DLG2: variants seen among roughly 807,000 people sequenced by gnomAD.
DLG2 encodes the protein disks large homolog 2.
In DLG2, 45 loss-of-function variants were observed where a neutral mutation model predicts 132.5. The ratio of observed to expected loss-of-function variants is 0.34; its 90% CI spans 0.27 to 0.44. The LOEUF (loss-of-function observed/expected upper bound fraction) is 0.44. Among genes scored for constraint, DLG2 ranks in the 20% least tolerant of loss-of-function variants. DLG2 has a pLI of 1.00. For synonymous variants in DLG2, 424 were observed against 419.6 expected (o/e 1.01, Z -0.13); for missense variants, 1,045 against 1,196.9 (o/e 0.87, Z 1.87).
At chr11:84,600,675 G>T (rs1424786018) in intron 6 of DLG2, among the ~76,000 whole-genome samples, 2 of 152,144 alleles carry the variant, frequency 1.3e-5, no homozygotes, top group Non-Finnish European at 2.9e-5. Context: ...TATAACTGCA[G>T]TATTTAGTGT....
intron 8 of DLG2, among the ~76,000 whole-genome samples, chr11:84,237,171 G>A (rs913480584): frequency 9.9e-5 from 15 of 151,902 alleles, no homozygotes; most frequent in Admixed American, 2.6e-4. Context: ...CTCGTGATTC[G>A]CCTGCCTCGG....
chr11:83,499,895 A>ATATATCTATCTATCTATC (rs1296866569), intron 21 of DLG2, among the ~76,000 whole-genome samples: 4 of 114,520 alleles, frequency 3.5e-5, no homozygotes, highest in African/African-American at 1.4e-4. Flanking sequence ...ATATATATAT[A>ATATATCTATCTATCTATC]TATCAGTTCT....
At chr11:83,746,571 C>T (rs2092926998) in intron 18 of DLG2, among the ~76,000 whole-genome samples, 1 of 150,906 alleles carries the variant, frequency 6.6e-6, no homozygotes, top group South Asian at 2.1e-4. Flanking sequence ...ACATCAGGGC[C>T]TGTTGTGGGG....
At chr11:83,665,397 A>C (rs1338062267) in intron 18 of DLG2, among the ~76,000 whole-genome samples, 1 of 152,214 alleles carries the variant, frequency 6.6e-6, no homozygotes, top group Non-Finnish European at 1.5e-5. Flanking sequence ...GCTTTACGTT[A>C]TGCTATAAGA....
At chr11:84,737,005 A>G (rs1596939517) in intron 6 of DLG2, among the ~76,000 whole-genome samples, 1 of 152,002 alleles carries the variant, frequency 6.6e-6, no homozygotes, top group African/African-American at 2.4e-5. Context: ...GGTTTTTCAC[A>G]TAAGTTTCTT....
chr11:83,833,033 T>C (rs2055009772), intron 17 of DLG2, among the ~76,000 whole-genome samples: 1 of 152,218 alleles, frequency 6.6e-6, no homozygotes, highest in African/African-American at 2.4e-5. Context: ...TTCTCAACGT[T>C]CTGTTGGATG....
rs55987930 is a variant in DLG2, at chr11:83,962,911, G to C, written c.1314C>G (p.His438Gln). 6.2e-7 allele frequency: 1 copy of C among 1,613,058 alleles called. No homozygotes were observed. Among genetic ancestry groups the C allele is most frequent in the East Asian group, 2.2e-5 (1 of 44,860 alleles). ...TGGTGTAGTCGTCGTCAACAAGCAT[G>C]TGCTTTGGAATTGGTGAGTACCTTC... Reference protein sequence around the residue: ...SPGRYSPIPKHMLVDDDYTRP... With the variant: ...SPGRYSPIPKQMLVDDDYTRP... Residue 438 changes from histidine to glutamine, a missense_variant, in exon 14 of 28, where the codon CAC becomes CAG. His to Gln is a conservative substitution (Grantham distance 24). Transcript: ENST00000376104.
At chr11:84,245,881 G>A (rs1037198167) in intron 8 of DLG2, among the ~76,000 whole-genome samples, 2 of 152,080 alleles carry the variant, frequency 1.3e-5, no homozygotes, top group African/African-American at 4.8e-5. Flanking sequence ...CTAGTTTATT[G>A]TTTAGCAAAT....
In DLG2 at chr11:85,216,934, TCTACCCAC is replaced by T. The variant is rs529051867; in HGVS notation, c.187-62291_187-62284del. ...TGGTCTTGAACTCCTGACCTCATGA[TCTACCCAC>T]CTAGGCCTCCCAAAGTGCTGTGATT... On this transcript the variant is annotated intron_variant, in intron 4 of 27. Coordinates refer to ENST00000376104, the MANE Select transcript of DLG2 (RefSeq NM_001142699.3). Among the ~76,000 whole-genome samples the T allele has an allele frequency of 4.1e-4, 63 of 152,226 alleles. 1 individual carries two copies. Among genetic ancestry groups the T allele is most frequent in the African/African-American group, 1.4e-3 (57 of 41,548 alleles).
At chr11:85,360,111 C>T (rs931465412) in intron 3 of DLG2, among the ~76,000 whole-genome samples, 9 of 152,122 alleles carry the variant, frequency 5.9e-5, no homozygotes, top group Admixed American at 3.3e-4. Flanking sequence ...TTCAGTTGGA[C>T]GGAAAAGTCC....
intron 7 of DLG2, among the ~76,000 whole-genome samples, chr11:84,370,142 A>C (rs1181340053): frequency 1.3e-5 from 2 of 152,152 alleles, no homozygotes; most frequent in African/African-American, 4.8e-5. Flanking sequence ...GCACTTCCTC[A>C]TATGCATATT....
intron 7 of DLG2, among the ~76,000 whole-genome samples, chr11:84,349,435 A>C (rs962226762): frequency 6.6e-6 from 1 of 150,824 alleles, no homozygotes; most frequent in Non-Finnish European, 1.5e-5. Flanking sequence ...ATTTTATTTC[A>C]ACCCTTTGGA....
chr11:84,370,044 G>A (rs910311118), intron 7 of DLG2, among the ~76,000 whole-genome samples: 1 of 152,086 alleles, frequency 6.6e-6, no homozygotes, highest in African/African-American at 2.4e-5. Context: ...TTATAATGCT[G>A]AAGAGAGAGG....
intron 6 of DLG2, among the ~76,000 whole-genome samples, chr11:85,091,710 C>T (rs1191441996): frequency 1.3e-5 from 2 of 152,172 alleles, no homozygotes; most frequent in African/African-American, 4.8e-5. Flanking sequence ...CTTTGCTCAT[C>T]CGTAACAAGC....
Position 83,861,579 on chromosome 11 carries a change from A to C in DLG2, c.1565+12841T>G, listed in dbSNP as rs561742299. Among the ~76,000 whole-genome samples, 10 of 152,326 alleles carry C rather than the reference A, an allele frequency of 6.6e-5. 1 individual carries two copies. Among genetic ancestry groups the C allele is most frequent in the African/African-American group, 2.4e-4 (10 of 41,578 alleles). ...CCAGTCATTTTCAACAACATGGATA[A>C]AACTGGAGATCATTATATTAAGTGA... On this transcript the variant is annotated intron_variant, in intron 16 of 27. Transcript: ENST00000376104.
At chr11:83,534,756 G>A (rs371604523) in intron 20 of DLG2, among the ~76,000 whole-genome samples, 4 of 152,096 alleles carry the variant, frequency 2.6e-5, no homozygotes, top group African/African-American at 7.2e-5. Flanking sequence ...GGCCAACAGG[G>A]TGAAACCCTG....
chr11:85,098,520 A>G (rs1387901273), intron 6 of DLG2, among the ~76,000 whole-genome samples: 6 of 152,226 alleles, frequency 3.9e-5, no homozygotes, highest in Non-Finnish European at 7.3e-5. Flanking sequence ...CCCAGAATGC[A>G]TTTTTGCATC....
chr11:83,933,565 T>G lies in DLG2; in HGVS notation c.1341-3082A>C, dbSNP rs189098660. On this transcript the variant is annotated intron_variant, in intron 14 of 27. Coordinates refer to ENST00000376104, the MANE Select transcript of DLG2 (RefSeq NM_001142699.3). The stretch of plus-strand genomic sequence containing the variant: ...GGCCCTTGGTGATCTCTCTTTTCTC[T>G]GAACTCCATTAGCACTTGCTATTTG... Among the ~76,000 whole-genome samples the G allele has an allele frequency of 6.6e-5, 10 of 152,382 alleles. No individual in the cohort carries two copies. The East Asian group carries it at 1.7e-3, about 26-fold the overall frequency.
Position 85,145,811 on chromosome 11 carries a change from C to T in DLG2, c.282+8745G>A, listed in dbSNP as rs1001525377. Among the ~76,000 whole-genome samples, 6 of 152,048 alleles carry T rather than the reference C, an allele frequency of 3.9e-5. No homozygotes were observed. The East Asian group carries it at 1.2e-3, about 29-fold the overall frequency. On this transcript the variant is annotated intron_variant, in intron 5 of 27. Coordinates refer to ENST00000376104, the MANE Select transcript of DLG2 (RefSeq NM_001142699.3). ...CTGTTTCTGAAAGTTCATCTATTTC[C>T]ACCACTCTAGAATTTGTCACTGGTG...
Sources: allele counts gnomAD v4.1 joint callset (sites outside exome capture counted in the v4.1 genomes callset), GRCh38; gene constraint gnomAD v4.1.1; transcripts MANE v1.5; gene names NCBI Gene and HGNC (gene_info 2026-07-23, HGNC 2026-07-21).